Variants in GLB1 observed in about 807,000 individuals in gnomAD.
GLB1 encodes the protein beta-galactosidase.
Under a neutral mutation model 74.0 loss-of-function variants are expected in GLB1, and 56 were observed. The observed-to-expected ratio is 0.76, with a 90% confidence interval of 0.61 to 0.94. The LOEUF is 0.94. GLB1 is among the 40% of genes least tolerant of loss of function. GLB1 has a pLI of 0.00. For missense variants in GLB1, 787 were observed against 845.5 expected (o/e 0.93, Z 0.86); for synonymous variants, 323 against 323.6 (o/e 1.00, Z 0.02).
intron 10 of GLB1, among the ~76,000 whole-genome samples, chr3:33,043,717 G>A (rs185370025): frequency 5.1e-3 from 304 of 59,654 alleles, no homozygotes; most frequent in Non-Finnish European, 9.1e-3. Flanking sequence ...CTGTTTATAA[G>A]GGACACATGT....
At chr3:33,035,743 T>C (rs1157084880) in intron 10 of GLB1, among the ~76,000 whole-genome samples, 1 of 152,230 alleles carries the variant, frequency 6.6e-6, no homozygotes, top group Non-Finnish European at 1.5e-5. Context: ...TACTTTGTTA[T>C]TGTAGCTCAA....
At chr3:33,043,816 G>GAAAAA (rs1698625745) in intron 10 of GLB1, among the ~76,000 whole-genome samples, 1 of 29,450 alleles carries the variant, frequency 3.4e-5, no homozygotes. Flanking sequence ...GCAGGTAAAT[G>GAAAAA]GTGTTAATGA....
At chr3:33,076,483 T>C (rs1170367051) in intron 1 of GLB1, among the ~76,000 whole-genome samples, 4 of 152,098 alleles carry the variant, frequency 2.6e-5, no homozygotes, top group East Asian at 1.9e-4. Flanking sequence ...TTTTCCTGAA[T>C]GGGCAAAAAA....
the GLB1 span, among the ~76,000 whole-genome samples, chr3:32,969,083 C>A: frequency 6.6e-6 from 1 of 152,212 alleles, no homozygotes; most frequent in Admixed American, 6.5e-5. Flanking sequence ...AGAGATTTGA[C>A]ACATCGGCCC....
the GLB1 span, among the ~76,000 whole-genome samples, chr3:32,972,975 A>C: frequency 6.6e-6 from 1 of 152,212 alleles, no homozygotes; most frequent in Non-Finnish European, 1.5e-5. Context: ...CAAGTCACAA[A>C]ACATGTTTTT....
At chr3:33,043,794 A>G (rs1374176770) in intron 10 of GLB1, among the ~76,000 whole-genome samples, 1 of 143,682 alleles carries the variant, frequency 7.0e-6, no homozygotes, top group East Asian at 2.0e-4. Flanking sequence ...GAAAAATACC[A>G]AGCAAAAGTA....
chr3:33,093,136 C>T lies in GLB1; in HGVS notation c.75+3875G>A. The T allele has an allele frequency of 6.2e-7, 1 of 1,614,140 alleles. No individual in the cohort carries two copies. On this transcript the variant is annotated intron_variant, in intron 1 of 15. Transcript: ENST00000307363. The surrounding 1 kb of genome is among the most constrained non-coding windows in gnomAD (Gnocchi z 6.0). ...TGGTCTGGGCTGCAGCCCTCCAGGG[C>T]CTTGTCAAGATCCATGCCATGGCCA...
At chr3:33,077,817 T>C (rs1160835210) in intron 1 of GLB1, among the ~76,000 whole-genome samples, 1 of 152,008 alleles carries the variant, frequency 6.6e-6, no homozygotes, top group Non-Finnish European at 1.5e-5. Context: ...GCTCTTATCT[T>C]TATATTTCAG....
At chr3:33,042,335 G>A (rs1378742520) in intron 10 of GLB1, among the ~76,000 whole-genome samples, 1 of 138,178 alleles carries the variant, frequency 7.2e-6, no homozygotes, top group Non-Finnish European at 1.6e-5. Context: ...CATGTGATCT[G>A]TTCCCCATCT....
At chr3:33,090,780 T>C (rs560095622) in intron 1 of GLB1, 2 of 985,256 alleles carry the variant, frequency 2.0e-6, no homozygotes, top group Non-Finnish European at 2.4e-6. Flanking sequence ...GTGTTGATGT[T>C]GTTTCTCAGA....
At position 33,018,705 on chromosome 3, in the gene GLB1, G is replaced by A. The variant is rs1204047882; in HGVS notation, c.1234-144C>T. On this transcript the variant is annotated intron_variant, in intron 12 of 15. Transcript: ENST00000307363. ...TCCACCTCCCGAAAAAATTAAATTT[G>A]AAAAAGGAAACTGGTTTAATTTTTA... The A allele has an allele frequency of 4.7e-6, 4 of 849,436 alleles. No individual in the cohort carries two copies. The East Asian group carries it at 1.1e-4, about 23-fold the overall frequency. The allele number at this position is 849,436 out of a possible 1,614,324, so 52.6% of individuals were successfully genotyped here. A position where few individuals can be genotyped will look rare whatever the true frequency, so the allele number is the denominator to read the frequency against.
At chr3:32,965,370 T>G in the GLB1 span, among the ~76,000 whole-genome samples, 2 of 152,136 alleles carry the variant, frequency 1.3e-5, no homozygotes, top group Non-Finnish European at 2.9e-5. Context: ...AGGAAGTTCT[T>G]GGGGACTGGA....
At position 33,014,309 on chromosome 3, in the gene GLB1, C is replaced by A. The variant is rs202007119; in HGVS notation, c.1481G>T (p.Gly494Val). 1.9e-6 allele frequency: 3 copies of A among 1,613,740 alleles called. No homozygotes were observed. In the East Asian group the frequency reaches 6.7e-5, roughly 36 times the overall value. Reference protein sequence around the residue: ...NYGAYINDFKGLVSNLTLSSN... With the variant: ...NYGAYINDFKVLVSNLTLSSN... ...ACTGAGAGTCAGGTTAGAAACCAAA[C>A]CCTGCAAAGCAGAAACAGAGCACAG... is the stretch of plus-strand genomic sequence containing the variant. Residue 494 changes from glycine to valine, a missense_variant and splice_region_variant, in exon 15 of 16, where the codon GGT (glycine) becomes GTT (valine). Coordinates refer to ENST00000307363, the MANE Select transcript of GLB1 (RefSeq NM_000404.4).
intron 9 of GLB1, among the ~76,000 whole-genome samples, chr3:33,048,045 T>C (rs993152655): frequency 1.3e-5 from 2 of 152,168 alleles, no homozygotes; most frequent in African/African-American, 4.8e-5. Context: ...CATGCTGTGC[T>C]GTGTTTCTTA....
intron 10 of GLB1, among the ~76,000 whole-genome samples, chr3:33,028,398 C>T (rs1182998500): frequency 6.6e-6 from 1 of 151,998 alleles, no homozygotes; most frequent in Non-Finnish European, 1.5e-5. Context: ...ATCTTTGTAC[C>T]TTTAAAATAA....
At chr3:33,034,491 AT>A in intron 10 of GLB1, 1 of 735,448 alleles carries the variant, frequency 1.4e-6, no homozygotes, top group Non-Finnish European at 2.5e-6. Flanking sequence ...TGGGTTTGAG[AT>A]GTGGCCTGGG....
chr3:33,006,697 C>T (rs769481350), intron 15 of GLB1, among the ~76,000 whole-genome samples: 1 of 152,196 alleles, frequency 6.6e-6, no homozygotes, highest in Non-Finnish European at 1.5e-5. Context: ...AAAGCCACAT[C>T]CGACTCAAGT....
intron 12 of GLB1, among the ~76,000 whole-genome samples, chr3:33,020,061 G>A (rs1483244930): frequency 2.6e-5 from 4 of 152,148 alleles, no homozygotes; most frequent in Non-Finnish European, 4.4e-5. Flanking sequence ...CAGGCTACAC[G>A]TGCTCTGGGA....
chr3:33,093,562 G>A lies in GLB1; in HGVS notation c.75+3449C>T, dbSNP rs1700866534. On this transcript the variant is annotated intron_variant, in intron 1 of 15. Transcript: ENST00000307363. This position sits in a 1 kb window ranked among gnomAD's most constrained non-coding sequence, Gnocchi z 6.0. ...GTGGGGCCCAAGTGAATGTCTGAGA[G>A]GAGCACGATCTTGAGGTTGTTCATT... 3 of 1,614,234 alleles carry A rather than the reference G, an allele frequency of 1.9e-6. No homozygotes were observed. The highest frequency in any genetic ancestry group is 2.2e-5 in the East Asian group (1 of 44,884).
Sources: gnomAD v4.1 joint callset for allele counts (sites outside exome capture counted in the v4.1 genomes callset) on GRCh38, gnomAD v4.1.1 for gene constraint, Gnocchi (gnomAD v3.1) non-coding constraint, MANE v1.5 for transcripts, NCBI Gene and HGNC (gene_info 2026-07-23, HGNC 2026-07-21) for gene names.